Variants in EVA1A observed in about 807,000 individuals in gnomAD.
The protein encoded by EVA1A is eva-1 homolog A, regulator of programmed cell death, also known as protein eva-1 homolog A.
A neutral mutation model predicts 9.8 loss-of-function variants in EVA1A; 7 were observed. The ratio of observed to expected loss-of-function variants is 0.71; its 90% CI spans 0.41 to 1.34. The LOEUF (loss-of-function observed/expected upper bound fraction) is 1.34, where lower values mean the gene tolerates loss of function less well. Ranked by LOEUF, EVA1A falls within the 40% of genes most tolerant of loss-of-function variation. The pLI, the probability that EVA1A is intolerant of heterozygous loss-of-function variation, is 0.01. For synonymous variants in EVA1A, 90 were observed against 85.6 expected (o/e 1.05, Z -0.28); for missense variants, 206 against 205.9 (o/e 1.00, Z 0.00).
intron 1 of EVA1A, among the ~76,000 whole-genome samples, chr2:75,528,654 C>T (rs1226041204): frequency 6.6e-6 from 1 of 152,194 alleles, no homozygotes; most frequent in Admixed American, 6.5e-5. Context: ...ACACACCTAG[C>T]CCTACTCCCA....
At chr2:75,503,579 G>A (rs903292757) in intron 3 of EVA1A, among the ~76,000 whole-genome samples, 4 of 152,184 alleles carry the variant, frequency 2.6e-5, no homozygotes, top group African/African-American at 9.7e-5. Flanking sequence ...TGGTCTCCAT[G>A]CAAGTGCAAC....
In EVA1A at chr2:75,519,130, T is replaced by C. The variant is rs1675142744; in HGVS notation, c.-68-922A>G. ...CTGCAGCACAAGCCTGGCATTAGCA[T>C]TGCCCAGTTACTCAGCAAAGGCTTT... On this transcript the variant is annotated intron_variant, in intron 2 of 3. Coordinates refer to ENST00000393913, the MANE Select transcript of EVA1A (RefSeq NM_001135032.2). 2.6e-5 allele frequency among the ~76,000 whole-genome samples: 4 copies of C among 152,190 alleles called. No individual in the cohort carries two copies. In the South Asian group the frequency reaches 8.3e-4, roughly 32 times the overall value.
At chr2:75,550,713 T>C (rs1379044577) in intron 1 of EVA1A, among the ~76,000 whole-genome samples, 8 of 152,154 alleles carry the variant, frequency 5.3e-5, no homozygotes. Flanking sequence ...TATCCAACTA[T>C]CAACATGGAA....
intron 1 of EVA1A, among the ~76,000 whole-genome samples, chr2:75,555,790 T>C (rs989621379): frequency 2.0e-5 from 3 of 152,208 alleles, no homozygotes; most frequent in African/African-American, 7.2e-5. Context: ...CCCCACCATA[T>C]GCCTACATGT....
chr2:75,526,503 CA>C (rs561237350), intron 1 of EVA1A, among the ~76,000 whole-genome samples: 106 of 152,200 alleles, frequency 7.0e-4, no homozygotes, highest in Middle Eastern at 6.8e-3. Flanking sequence ...CCTTGTTTTT[CA>C]GATGGGAAAA....
chr2:75,541,066 G>C (rs961528924), intron 1 of EVA1A, among the ~76,000 whole-genome samples: 1 of 152,174 alleles, frequency 6.6e-6, no homozygotes, highest in Non-Finnish European at 1.5e-5. Flanking sequence ...GTGTGATATT[G>C]AATGTGAAGT....
chr2:75,502,110 G>T (rs900667150), intron 3 of EVA1A, among the ~76,000 whole-genome samples: 1 of 152,204 alleles, frequency 6.6e-6, no homozygotes, highest in Admixed American at 6.5e-5. Context: ...GTTAGTAGAA[G>T]TGTGTAGCAT....
At chr2:75,559,935 T>C (rs1428775160) in intron 1 of EVA1A, among the ~76,000 whole-genome samples, 1 of 152,120 alleles carries the variant, frequency 6.6e-6, no homozygotes, top group Non-Finnish European at 1.5e-5. Context: ...AAGAACAACA[T>C]GGCAAGCCAG....
rs146559737 is a variant in EVA1A at position 75,541,475 on chromosome 2, T to C, written c.-191-18988A>G. Among the ~76,000 whole-genome samples, 899 of 152,296 alleles carry C rather than the reference T, an allele frequency of 5.9e-3. 8 individuals carry two copies. Among genetic ancestry groups the C allele is most frequent in the Middle Eastern group, 0.014 (4 of 294 alleles). The stretch of plus-strand genomic sequence containing the variant: ...GTTCTCAAGATCAGTCCATCAGAAT[T>C]GATGCCCTAATCTCTATGCCCTCAT... On this transcript the variant is annotated intron_variant, in intron 1 of 3. Coordinates refer to ENST00000393913, the MANE Select transcript of EVA1A (RefSeq NM_001135032.2).
intron 3 of EVA1A, among the ~76,000 whole-genome samples, chr2:75,493,832 T>A (rs1674112058): frequency 6.6e-6 from 1 of 152,210 alleles, no homozygotes; most frequent in South Asian, 2.1e-4. Context: ...TCTTGCAACT[T>A]TAACTTAGAG....
intron 3 of EVA1A, among the ~76,000 whole-genome samples, chr2:75,514,872 A>G (rs56079922): frequency 0.061 from 9,209 of 152,156 alleles, 408 homozygotes; most frequent in Middle Eastern, 0.16. Context: ...GCTTTGATGG[A>G]TATTGTCAAA....
intron 3 of EVA1A, among the ~76,000 whole-genome samples, chr2:75,505,704 C>T (rs1674591734): frequency 1.3e-5 from 2 of 151,904 alleles, no homozygotes; most frequent in South Asian, 2.1e-4. Context: ...ATCCCAGCTA[C>T]TCGGGAGGCT....
intron 3 of EVA1A, among the ~76,000 whole-genome samples, chr2:75,513,676 T>C (rs552554565): frequency 6.6e-5 from 10 of 152,332 alleles, no homozygotes; most frequent in Non-Finnish European, 1.2e-4. Context: ...AACTGTGGTA[T>C]ATTTACAAAA....
intron 1 of EVA1A, among the ~76,000 whole-genome samples, chr2:75,526,953 G>A (rs894307610): frequency 2.0e-5 from 3 of 152,134 alleles, no homozygotes; most frequent in African/African-American, 7.2e-5. Flanking sequence ...CAGTAGTCCA[G>A]GTAAAGGATA....
chr2:75,521,358 C>T (rs1245536945), intron 2 of EVA1A, among the ~76,000 whole-genome samples: 4 of 152,160 alleles, frequency 2.6e-5, no homozygotes, highest in Admixed American at 1.3e-4. Flanking sequence ...GATTTTAAAG[C>T]AGAGACTTGA....
Position 75,498,451 on chromosome 2 carries a change from A to G in EVA1A, c.86-4842T>C, listed in dbSNP as rs115484742. On this transcript the variant is annotated intron_variant, in intron 3 of 3. Coordinates refer to ENST00000393913, the MANE Select transcript of EVA1A (RefSeq NM_001135032.2). ...GTGACATGCAATTTACCCATGTAACAAAACTGCACGGGTACCCCCAAAACT... is the reference window on the plus strand; with the variant it reads ...GTGACATGCAATTTACCCATGTAACGAAACTGCACGGGTACCCCCAAAACT... Among the ~76,000 whole-genome samples the G allele has an allele frequency of 3.7e-3, 567 of 152,284 alleles. 3 individuals carry two copies. The highest frequency in any genetic ancestry group is 0.012 in the African/African-American group (518 of 41,558).
At chr2:75,514,581 C>A (rs952661865) in intron 3 of EVA1A, among the ~76,000 whole-genome samples, 1 of 151,922 alleles carries the variant, frequency 6.6e-6, no homozygotes, top group Non-Finnish European at 1.5e-5. Context: ...AATACATATA[C>A]CTTCACCTAC....
chr2:75,564,959 G>A (rs993517214), upstream of EVA1A, among the ~76,000 whole-genome samples: 1 of 152,228 alleles, frequency 6.6e-6, no homozygotes, highest in Non-Finnish European at 1.5e-5. Flanking sequence ...CACCAGCTGA[G>A]TGAAGGTGAA....
At chr2:75,514,151 G>C (rs1469653997) in intron 3 of EVA1A, among the ~76,000 whole-genome samples, 1 of 152,196 alleles carries the variant, frequency 6.6e-6, no homozygotes, top group East Asian at 1.9e-4. Flanking sequence ...ATGGGGCTTG[G>C]AGCCAGTCAA....
Sources: allele counts gnomAD v4.1 joint callset (sites outside exome capture counted in the v4.1 genomes callset), GRCh38; gene constraint gnomAD v4.1.1; transcripts MANE v1.5; gene names NCBI Gene and HGNC (gene_info 2026-07-23, HGNC 2026-07-21).